CDH4: variants seen among roughly 807,000 people sequenced by gnomAD.
CDH4 encodes the protein cadherin-4.
Under a neutral mutation model 86.0 loss-of-function variants are expected in CDH4, and 33 were observed. That is an observed-to-expected ratio of 0.38 (90% CI 0.29 to 0.51). CDH4 has a LOEUF of 0.51. Among genes scored for constraint, CDH4 ranks in the 20% least tolerant of loss-of-function variants. The pLI is 0.86. For synonymous variants in CDH4, 555 were observed against 549.4 expected (o/e 1.01, Z -0.14); for missense variants, 1,114 against 1,307.4 (o/e 0.85, Z 2.28).
chr20:61,329,129 G>A (rs1401936922), intron 2 of CDH4, among the ~76,000 whole-genome samples: 5 of 152,240 alleles, frequency 3.3e-5, no homozygotes, highest in African/African-American at 9.6e-5. Flanking sequence ...TGTGGGTGCC[G>A]AGGATGGTTT....
intron 4 of CDH4, among the ~76,000 whole-genome samples, chr20:61,788,134 G>A (rs1025394326): frequency 7.2e-5 from 11 of 152,190 alleles, no homozygotes; most frequent in Admixed American, 2.0e-4. Context: ...AGAAGGCCAG[G>A]GGTGTTGTTT....
chr20:61,511,706 GTGTC>G (rs1169692869), intron 2 of CDH4, among the ~76,000 whole-genome samples: 2 of 152,202 alleles, frequency 1.3e-5, no homozygotes, highest in African/African-American at 2.4e-5. Flanking sequence ...TGTTTGGCGA[GTGTC>G]TGGCAGAGGT....
At chr20:61,764,733 C>G (rs6061810) in intron 3 of CDH4, among the ~76,000 whole-genome samples, 1 of 152,094 alleles carries the variant, frequency 6.6e-6, no homozygotes, top group Admixed American at 6.5e-5. Context: ...CTCCCCAAGG[C>G]GCCCCAGCCT....
At chr20:61,667,722 G>A (rs1182114181) in intron 2 of CDH4, among the ~76,000 whole-genome samples, 16 of 152,156 alleles carry the variant, frequency 1.1e-4, no homozygotes, top group Admixed American at 7.2e-4. Flanking sequence ...GGCTGGACTC[G>A]GGTCTTTATG....
chr20:61,671,983 G>A (rs2087394699), intron 2 of CDH4, among the ~76,000 whole-genome samples: 2 of 145,672 alleles, frequency 1.4e-5, no homozygotes, highest in African/African-American at 5.0e-5. Flanking sequence ...GTAGATAGAT[G>A]GATGAATAGA....
rs946576327 is a variant in CDH4 at position 61,839,583 on chromosome 20, G to A, written c.577-5085G>A. 5.9e-5 allele frequency among the ~76,000 whole-genome samples: 9 copies of A among 151,598 alleles called. No individual in the cohort carries two copies. The South Asian group carries it at 6.3e-4, about 11-fold the overall frequency. ...GTGCATATGTGCATGTGTGTGTGAC[G>A]TGTGTATGTGTATTGAGTGTATGTT... On this transcript the variant is annotated intron_variant, in intron 4 of 15. Coordinates refer to ENST00000614565, the MANE Select transcript of CDH4 (RefSeq NM_001794.5).
At chr20:61,757,187 G>C (rs1374012846) in intron 3 of CDH4, among the ~76,000 whole-genome samples, 1 of 152,104 alleles carries the variant, frequency 6.6e-6, no homozygotes, top group African/African-American at 2.4e-5. Flanking sequence ...GTTCAGCAGA[G>C]CGTGTATTGG....
At chr20:61,527,557 T>A (rs1001302150) in intron 2 of CDH4, among the ~76,000 whole-genome samples, 2 of 152,204 alleles carry the variant, frequency 1.3e-5, no homozygotes, top group Non-Finnish European at 2.9e-5. Flanking sequence ...GCCACTATAT[T>A]TTTTTAAGCA....
chr20:61,774,378 G>A (rs978544108), intron 4 of CDH4, among the ~76,000 whole-genome samples: 1 of 152,206 alleles, frequency 6.6e-6, no homozygotes, highest in African/African-American at 2.4e-5. Context: ...GCCCACCACG[G>A]ATGCTAGAGA....
chr20:61,311,755 G>T (rs1161984917), intron 2 of CDH4, among the ~76,000 whole-genome samples: 2 of 152,258 alleles, frequency 1.3e-5, no homozygotes, highest in Non-Finnish European at 2.9e-5. Context: ...AAGGGCCAGA[G>T]AAATGGTTTT....
At chr20:61,848,263 G>A (rs1349893154) in intron 5 of CDH4, among the ~76,000 whole-genome samples, 2 of 152,346 alleles carry the variant, frequency 1.3e-5, no homozygotes, top group African/African-American at 4.8e-5. Context: ...GGAGCCCAGG[G>A]CGGTGGGGGT....
rs941179767 is a variant in CDH4 at position 61,596,749 on chromosome 20, A to G, written c.170-146814A>G. Among the ~76,000 whole-genome samples, 7 of 151,800 alleles carry G rather than the reference A, an allele frequency of 4.6e-5. No homozygotes were observed. The South Asian group carries it at 6.3e-4, about 14-fold the overall frequency. On this transcript the variant is annotated intron_variant, in intron 2 of 15. Coordinates refer to ENST00000614565, the MANE Select transcript of CDH4 (RefSeq NM_001794.5). ...AATAACATCATGGATGGGGCTGATC[A>G]CTCCTCCGTGGGGCTGCCCTGGACT...
At chr20:61,515,929 A>G (rs1038739919) in intron 2 of CDH4, among the ~76,000 whole-genome samples, 3 of 149,568 alleles carry the variant, frequency 2.0e-5, no homozygotes, top group African/African-American at 7.4e-5. Flanking sequence ...TATCCCCCCC[A>G]TCCCGCAGTC....
intron 2 of CDH4, among the ~76,000 whole-genome samples, chr20:61,526,888 C>T (rs1423827481): frequency 1.3e-5 from 2 of 152,156 alleles, no homozygotes; most frequent in Admixed American, 6.5e-5. Context: ...GAAAAATTAA[C>T]AAATGTAACG....
chr20:61,889,185 C>T (rs1297839930), intron 7 of CDH4, among the ~76,000 whole-genome samples: 1 of 152,224 alleles, frequency 6.6e-6, no homozygotes, highest in Admixed American at 6.5e-5. Context: ...TCCGTAGAAG[C>T]CTCTCTCACC....
intron 7 of CDH4, among the ~76,000 whole-genome samples, chr20:61,888,237 G>A (rs1035784904): frequency 6.6e-6 from 1 of 152,146 alleles, no homozygotes; most frequent in Non-Finnish European, 1.5e-5. Flanking sequence ...GCAGGATCCC[G>A]GCCCCTCACC....
chr20:61,485,319 A>G lies in CDH4; in HGVS notation c.169+230382A>G, dbSNP rs1475050757. On this transcript the variant is annotated intron_variant, in intron 2 of 15. Coordinates refer to ENST00000614565, the MANE Select transcript of CDH4 (RefSeq NM_001794.5). ...ACGCTTGGCTGGATTTGGGGTGGCTATTGTGGATCACAGCACCACACTCTC... is the reference window on the plus strand; with the variant it reads ...ACGCTTGGCTGGATTTGGGGTGGCTGTTGTGGATCACAGCACCACACTCTC... 7.2e-5 allele frequency among the ~76,000 whole-genome samples: 11 copies of G among 152,214 alleles called. No individual in the cohort carries two copies. The South Asian group carries it at 2.1e-3, about 29-fold the overall frequency.
At chr20:61,475,637 C>T (rs1339586262) in intron 2 of CDH4, among the ~76,000 whole-genome samples, 1 of 63,266 alleles carries the variant, frequency 1.6e-5, no homozygotes, top group Admixed American at 2.2e-4. Flanking sequence ...CTCCTTGCCC[C>T]TCCTCACTCA....
At position 61,807,126 on chromosome 20, in the gene CDH4, C is replaced by T. The variant is rs774910559; in HGVS notation, c.576+33944C>T. On this transcript the variant is annotated intron_variant, in intron 4 of 15. Coordinates refer to ENST00000614565, the MANE Select transcript of CDH4 (RefSeq NM_001794.5). This position sits in a 1 kb window ranked among gnomAD's most constrained non-coding sequence, Gnocchi z 4.5. ...CCCAGGGCCCCGCAGCCCCGCCAGC[C>T]CCCAGCTGCAAGGCCAGTGGGGCAG... Among the ~76,000 whole-genome samples, 89 of 152,240 alleles carry T rather than the reference C, an allele frequency of 5.8e-4. No homozygotes were observed. Among genetic ancestry groups the T allele is most frequent in the Non-Finnish European group, 1.0e-3 (69 of 68,042 alleles).
Sources: allele counts gnomAD v4.1 joint callset (sites outside exome capture counted in the v4.1 genomes callset), GRCh38; gene constraint gnomAD v4.1.1; non-coding constraint Gnocchi (gnomAD v3.1); transcripts MANE v1.5; gene names NCBI Gene and HGNC (gene_info 2026-07-23, HGNC 2026-07-21).